Variants in NTNG1 observed in about 807,000 individuals in gnomAD.
NTNG1 encodes the protein netrin-G1.
NTNG1 carries 16 observed loss-of-function variants against 54.0 expected under a neutral mutation model. The observed-to-expected ratio is 0.30, with a 90% CI of 0.20 to 0.45. The LOEUF (loss-of-function observed/expected upper bound fraction) is 0.45. Ranked by LOEUF, NTNG1 falls within the 20% of genes least tolerant of loss-of-function variation. NTNG1 has a pLI of 1.00. For synonymous variants in NTNG1, 255 were observed against 263.1 expected (o/e 0.97, Z 0.30); for missense variants, 530 against 678.7 (o/e 0.78, Z 2.43).
At chr1:107,310,277 A>G (rs1240521160) in intron 2 of NTNG1, among the ~76,000 whole-genome samples, 1 of 152,074 alleles carries the variant, frequency 6.6e-6, no homozygotes, top group African/African-American at 2.4e-5. Context: ...TTTTATTTCC[A>G]TTTATCAAAG....
At chr1:107,480,576 G>GGGCCCCCCCCC in intron 7 of NTNG1, 35 bp from the exon 8 acceptor site, 1 of 339,098 alleles carries the variant, frequency 2.9e-6, no homozygotes, top group Non-Finnish European at 5.7e-6. Context: ...TCCTCCCCGC[G>GGGCCCCCCCCC]CCCACCCACC....
chr1:107,253,183 T>C (rs1371887459), intron 2 of NTNG1, among the ~76,000 whole-genome samples: 2 of 152,352 alleles, frequency 1.3e-5, no homozygotes, highest in South Asian at 2.1e-4. Flanking sequence ...AGAAAGCTCC[T>C]GGTACTCAGT....
In NTNG1 at chr1:107,205,722, G is replaced by T. The variant is rs552720499; in HGVS notation, c.246+56883G>T. On this transcript the variant is annotated intron_variant, in intron 2 of 7. Coordinates refer to ENST00000370068, the MANE Select transcript of NTNG1 (RefSeq NM_001113226.3). ...AATTTTCACAAACTGAAAGTCACCAGTACAACTGGCACCCAGGTAAAGAAT... is the reference window on the plus strand; with the variant it reads ...AATTTTCACAAACTGAAAGTCACCATTACAACTGGCACCCAGGTAAAGAAT... Among the ~76,000 whole-genome samples the T allele has an allele frequency of 2.8e-4, 43 of 152,116 alleles. 1 individual carries two copies. Among genetic ancestry groups the T allele is most frequent in the Middle Eastern group, 6.8e-3 (2 of 294 alleles).
chr1:107,236,456 G>A (rs979941567), intron 2 of NTNG1, among the ~76,000 whole-genome samples: 3 of 152,156 alleles, frequency 2.0e-5, no homozygotes, highest in African/African-American at 4.8e-5. Flanking sequence ...GGAAGACAGA[G>A]GCAAAGTGAA....
At chr1:107,223,405 GC>G (rs1442248941) in intron 2 of NTNG1, among the ~76,000 whole-genome samples, 28 of 152,208 alleles carry the variant, frequency 1.8e-4, no homozygotes, top group Admixed American at 4.6e-4. Flanking sequence ...AGTTTGACAT[GC>G]AGAAGCCACA....
At chr1:107,252,135 G>T (rs1448362719) in intron 2 of NTNG1, among the ~76,000 whole-genome samples, 1 of 152,170 alleles carries the variant, frequency 6.6e-6, no homozygotes, top group Non-Finnish European at 1.5e-5. Flanking sequence ...TTGCTTAGAA[G>T]ACTGCCTGGC....
chr1:107,231,066 T>C (rs6659043), intron 2 of NTNG1, among the ~76,000 whole-genome samples: 5,892 of 152,262 alleles, frequency 0.039, 309 homozygotes, highest in African/African-American at 0.12. Context: ...AAATGTATGA[T>C]GAAGTACTTG....
At chr1:107,337,838 T>G (rs543397304) in intron 3 of NTNG1, among the ~76,000 whole-genome samples, 98 of 152,032 alleles carry the variant, frequency 6.4e-4, no homozygotes, top group African/African-American at 2.2e-3. Context: ...CAATGAGGAG[T>G]CTAGTTGGAG....
At chr1:107,346,884 TAAAAAAAAAA>T (rs537482440) in intron 3 of NTNG1, among the ~76,000 whole-genome samples, 2 of 97,144 alleles carry the variant, frequency 2.1e-5, no homozygotes, top group Non-Finnish European at 3.9e-5. Context: ...TTTTCTATCC[TAAAAAAAAAA>T]AAAAAAAAAA....
intron 3 of NTNG1, among the ~76,000 whole-genome samples, chr1:107,365,925 A>G (rs529279331): frequency 7.1e-4 from 108 of 152,188 alleles, no homozygotes; most frequent in Non-Finnish European, 1.0e-3. Flanking sequence ...AATTCCACAG[A>G]AACTCAATTT....
intron 2 of NTNG1, among the ~76,000 whole-genome samples, chr1:107,310,607 T>C (rs1022453106): frequency 2.0e-5 from 3 of 152,126 alleles, no homozygotes; most frequent in African/African-American, 7.2e-5. Context: ...TAATGAAACA[T>C]TGGCATGTTA....
At chr1:107,173,213 G>A (rs1013016869) in intron 2 of NTNG1, among the ~76,000 whole-genome samples, 4 of 152,070 alleles carry the variant, frequency 2.6e-5, no homozygotes, top group Non-Finnish European at 2.9e-5. Flanking sequence ...GCTGTTTAAC[G>A]CATCTTAAAA....
Position 107,407,725 on chromosome 1 carries a change from A to G in NTNG1, c.1087+17A>G. 1.2e-6 allele frequency: 2 copies of G among 1,603,908 alleles called. No individual in the cohort carries two copies. Among genetic ancestry groups the G allele is most frequent in the African/African-American group, 1.3e-5 (1 of 74,704 alleles). On this transcript the variant is annotated intron_variant, in intron 5 of 7. Coordinates refer to ENST00000370068, the MANE Select transcript of NTNG1 (RefSeq NM_001113226.3). ...GTATTGGTAGTAAGTAAAAACAAAA[A>G]CAAAAAAAACACCAAACCAAGTCTA...
chr1:107,464,534 C>T (rs528784120), intron 7 of NTNG1, among the ~76,000 whole-genome samples: 1 of 152,226 alleles, frequency 6.6e-6, no homozygotes, highest in African/African-American at 2.4e-5. Context: ...GAGCAAAGAC[C>T]TTTAGATTAA....
intron 2 of NTNG1, among the ~76,000 whole-genome samples, chr1:107,213,636 CAG>C (rs1390505239): frequency 1.3e-5 from 2 of 152,088 alleles, no homozygotes; most frequent in Admixed American, 1.3e-4. Flanking sequence ...ATTCCTGGGG[CAG>C]AGTCAGAAAT....
intron 2 of NTNG1, among the ~76,000 whole-genome samples, chr1:107,167,677 T>C (rs939588411): frequency 3.9e-5 from 6 of 151,978 alleles, no homozygotes; most frequent in African/African-American, 1.2e-4. Flanking sequence ...GTGATAATAA[T>C]TAATTTTTAT....
intron 2 of NTNG1, among the ~76,000 whole-genome samples, chr1:107,266,615 T>A (rs546131796): frequency 5.3e-5 from 8 of 150,568 alleles, no homozygotes; most frequent in Middle Eastern, 3.4e-3. Flanking sequence ...TTAGCAACAT[T>A]GTTTTTTTTT....
At chr1:107,339,071 T>C (rs74943792) in intron 3 of NTNG1, among the ~76,000 whole-genome samples, 1 of 151,988 alleles carries the variant, frequency 6.6e-6, no homozygotes, top group African/African-American at 2.4e-5. Context: ...AGAAATCCCA[T>C]CCACATTCAC....
At chr1:107,366,342 G>T (rs979816305) in intron 3 of NTNG1, among the ~76,000 whole-genome samples, 1 of 152,094 alleles carries the variant, frequency 6.6e-6, no homozygotes, top group African/African-American at 2.4e-5. Context: ...ATCTCAGAAG[G>T]ACTTTTTTAG....
Sources: gnomAD v4.1 joint callset for allele counts (sites outside exome capture counted in the v4.1 genomes callset) on GRCh38, gnomAD v4.1.1 for gene constraint, MANE v1.5 for transcripts, NCBI Gene and HGNC (gene_info 2026-07-23, HGNC 2026-07-21) for gene names.